The following C4orf50 variants were observed in gnomAD, a reference collection of about 807,000 sequenced individuals.
C4orf50 encodes chromosome 4 open reading frame 50.
C4orf50 carries 80 observed loss-of-function variants against 77.2 expected under a neutral mutation model. That is an observed-to-expected ratio of 1.04 (90% confidence interval 0.87 to 1.25). C4orf50 has a LOEUF of 1.25. Ranked by LOEUF, C4orf50 falls within the 50% of genes most tolerant of loss-of-function variation. The probability of loss-of-function intolerance (pLI) is 0.00; values close to 1 mark genes in which losing one functional copy is unlikely to be tolerated. For synonymous variants in C4orf50, 532 were observed against 465.3 expected (o/e 1.14, Z -1.84); for missense variants, 1,257 against 1,152.9 (o/e 1.09, Z -1.31).
In C4orf50 at chr4:6,008,267, T is replaced by G. The variant is rs978896103; in HGVS notation, c.692A>C (p.Gln231Pro). 2.0e-5 allele frequency: 8 copies of G among 392,524 alleles called. No homozygotes were observed. The highest frequency in any genetic ancestry group is 4.4e-5 in the Admixed American group (1 of 22,478). The allele number at this position is 392,524 out of a possible 1,614,324, so 24.3% of individuals were successfully genotyped here. A position where few individuals can be genotyped will look rare whatever the true frequency, so the allele number is the denominator to read the frequency against. Residue 231 changes from glutamine to proline, a missense_variant, in exon 25 of 34, where the codon CAG becomes CCG. Physicochemically the swap from Gln to Pro is moderately conservative, Grantham distance 76. Transcript: ENST00000531445. This position sits in a 1 kb window ranked among gnomAD's most constrained non-coding sequence, Gnocchi z 6.0. ...TTCCGCAGCCGCCTCGGTGGCGCCC[T>G]GGGAGCCTGGGGCCGCGGTGTCCCA...
At chr4:5,966,182 A>G (rs551144467) in intron 32 of C4orf50, among the ~76,000 whole-genome samples, 3 of 152,360 alleles carry the variant, frequency 2.0e-5, no homozygotes, top group African/African-American at 7.2e-5. Context: ...TTTCTTTTTA[A>G]TAATAAAAGT....
chr4:5,998,278 TTA>T (rs1721683282), intron 25 of C4orf50, among the ~76,000 whole-genome samples: 1 of 152,210 alleles, frequency 6.6e-6, no homozygotes, highest in African/African-American at 2.4e-5. Context: ...CCATATTTTT[TTA>T]TTAAGACCAC....
intron 25 of C4orf50, among the ~76,000 whole-genome samples, chr4:6,005,375 T>A (rs1472878879): frequency 6.6e-6 from 1 of 152,142 alleles, no homozygotes; most frequent in East Asian, 1.9e-4. Context: ...CCTGGGCCAC[T>A]GGGACTTTTA....
rs1035355273 is a variant in C4orf50, at chr4:5,916,716, G to A, written c.*2475-18528C>T. ...AGGGCAGAGAAGACAATATCCAGAT[G>A]GGTACTGAGGTCACTCCTGCAGGAA... On this transcript the variant is annotated intron_variant, in intron 7 of 7. Coordinates refer to the C4orf50 transcript ENST00000324058. This position sits in a 1 kb window ranked among gnomAD's most constrained non-coding sequence, Gnocchi z 4.4. Among the ~76,000 whole-genome samples, 3 of 152,164 alleles carry A rather than the reference G, an allele frequency of 2.0e-5. No individual in the cohort carries two copies. The highest frequency in any genetic ancestry group is 2.9e-5 in the Non-Finnish European group (2 of 68,018).
intron 33 of C4orf50, among the ~76,000 whole-genome samples, chr4:5,964,022 T>C (rs951439702): frequency 1.3e-4 from 10 of 76,028 alleles, no homozygotes; most frequent in Admixed American, 1.1e-3. Context: ...CTAGAAAAGC[T>C]AGGGGGAAAC....
intron 7 of C4orf50, chr4:5,923,242 C>T (rs956342591): frequency 3.2e-5 from 5 of 154,242 alleles, no homozygotes; most frequent in Middle Eastern, 5.1e-4. Flanking sequence ...GCCGAAGGAT[C>T]GCAGCTAAAG....
intron 31 of C4orf50, among the ~76,000 whole-genome samples, chr4:5,972,358 A>C (rs969061450): frequency 1.3e-5 from 2 of 152,184 alleles, no homozygotes; most frequent in African/African-American, 4.8e-5. Context: ...GTGGATCCCA[A>C]GGACTATGCA....
In C4orf50 at chr4:5,999,185, C is replaced by T. The variant is rs180839638; in HGVS notation, c.964-4709G>A. 3.1e-3 allele frequency among the ~76,000 whole-genome samples: 476 copies of T among 152,310 alleles called. 3 individuals carry two copies. Among genetic ancestry groups the T allele is most frequent in the Non-Finnish European group, 4.8e-3 (326 of 68,028 alleles). On this transcript the variant is annotated intron_variant, in intron 25 of 33. Transcript: ENST00000531445. ...ACACTTTTATAATGACTGCCTTTGC[C>T]ATAGTTCACACCATGGCTCCCAGAG...
At chr4:5,931,171 C>T (rs963836988) in intron 7 of C4orf50, among the ~76,000 whole-genome samples, 3 of 152,136 alleles carry the variant, frequency 2.0e-5, no homozygotes, top group Admixed American at 6.5e-5. Flanking sequence ...CTGAAAACAG[C>T]CCCTGCAAAG....
chr4:5,957,283 G>C (rs966015550), exon 34 of C4orf50: 2 of 152,282 alleles, frequency 1.3e-5, no homozygotes, highest in Admixed American at 1.3e-4. Context: ...TGGGACTCCT[G>C]GAGACCAGAT....
intron 25 of C4orf50, among the ~76,000 whole-genome samples, chr4:6,004,225 T>TG (rs1491010298): frequency 8.7e-4 from 29 of 33,164 alleles, no homozygotes; most frequent in East Asian, 4.8e-3. Flanking sequence ...ATGGTGATGA[T>TG]GTGATGGTGA....
intron 7 of C4orf50, among the ~76,000 whole-genome samples, chr4:5,915,280 T>C (rs1214882551): frequency 1.3e-5 from 2 of 152,220 alleles, no homozygotes; most frequent in African/African-American, 2.4e-5. Flanking sequence ...GTCCACACGC[T>C]TTAAGGTTTG....
rs1291345366 is a variant in C4orf50 at position 5,992,697 on chromosome 4, T to A, written c.1221+106A>T. On this transcript the variant is annotated intron_variant, in intron 27 of 33. Coordinates refer to ENST00000531445, the Ensembl canonical transcript of C4orf50. The surrounding 1 kb of genome is among the most constrained non-coding windows in gnomAD (Gnocchi z 5.0). ...CAGAATGTTCTCCCAGACCTGGAGCTTCTTTACCCCTCCCACATCCTGCGT... is the reference window on the plus strand; with the variant it reads ...CAGAATGTTCTCCCAGACCTGGAGCATCTTTACCCCTCCCACATCCTGCGT... The A allele has an allele frequency of 2.6e-6, 1 of 388,174 alleles. No individual in the cohort carries two copies. The highest frequency in any genetic ancestry group is 4.6e-6 in the Non-Finnish European group (1 of 219,682). The allele number at this position is 388,174 out of a possible 1,614,324, so 24.0% of individuals were successfully genotyped here. A position where few individuals can be genotyped will look rare whatever the true frequency, so the allele number is the denominator to read the frequency against.
intron 25 of C4orf50, among the ~76,000 whole-genome samples, chr4:6,003,813 GTGA>G (rs1721977803): frequency 7.3e-6 from 1 of 137,044 alleles, no homozygotes; most frequent in African/African-American, 2.7e-5. Flanking sequence ...GGTGATGATG[GTGA>G]TGATGGTGAT....
In C4orf50 at chr4:5,988,598, G is replaced by T. The variant is rs1402492358; in HGVS notation, c.3448C>A (p.Pro1150Thr). ...AGACTCATTTCCTCCTCCAAGGGTG[G>T]CCCACAGGCTCTTGAAAGCAGCTGT... The change falls in exon 28 of 34, where the codon CCA becomes ACA. Residue 1150 changes from proline (P) to threonine (T), a missense_variant. Pro to Thr is a conservative substitution (Grantham distance 38). Transcript: ENST00000531445. 8 of 1,536,272 alleles carry T rather than the reference G, an allele frequency of 5.2e-6. No individual in the cohort carries two copies. The South Asian group carries it at 9.5e-5, about 18-fold the overall frequency.
At chr4:5,988,555 C>T (rs1485312197) in exon 28 of C4orf50, 3 of 1,536,848 alleles carry the variant, frequency 2.0e-6, no homozygotes, top group African/African-American at 1.4e-5. Context: ...TGTGGAAGGT[C>T]CTGTCTGCCC....
At chr4:5,994,300 G>T in intron 26 of C4orf50, 47 bp downstream of exon 4, 1 of 399,102 alleles carries the variant, frequency 2.5e-6, no homozygotes, top group Non-Finnish European at 4.4e-6. Flanking sequence ...GCCATTCAGT[G>T]GGTGCTGCCC....
intron 30 of C4orf50, among the ~76,000 whole-genome samples, chr4:5,975,152 A>C (rs1720188280): frequency 5.1e-5 from 3 of 58,872 alleles, no homozygotes; most frequent in South Asian, 9.9e-4. Flanking sequence ...AAAAAAAAAA[A>C]AAAAAAAAAA....
chr4:6,017,139 C>A lies in C4orf50; in HGVS notation c.287+1006G>T, dbSNP rs6838861. ...AGCTCCATCAGGCAAACAGTGCCCA[C>A]AGCAGGAAGTTCTACAGAGAGAAAC... On this transcript the variant is annotated intron_variant, in intron 23 of 33. Transcript: ENST00000531445. This position sits in a 1 kb window ranked among gnomAD's most constrained non-coding sequence, Gnocchi z 4.7. Among the ~76,000 whole-genome samples, 27,822 of 152,224 alleles carry A rather than the reference C, an allele frequency of 0.18. 3,279 individuals carry two copies. Among genetic ancestry groups the A allele is most frequent in the East Asian group, 0.61 (3,149 of 5,156 alleles).
Sources: gnomAD v4.1 joint callset for allele counts (sites outside exome capture counted in the v4.1 genomes callset) on GRCh38, gnomAD v4.1.1 for gene constraint, Gnocchi (gnomAD v3.1) non-coding constraint, MANE v1.5 for transcripts, NCBI Gene and HGNC (gene_info 2026-07-23, HGNC 2026-07-21) for gene names.